TMEM150B: variants seen among roughly 807,000 people sequenced by gnomAD.
The protein encoded by TMEM150B is transmembrane protein 150B.
Under a neutral mutation model 25.2 loss-of-function variants are expected in TMEM150B, and 33 were observed. The ratio of observed to expected loss-of-function variants is 1.31; its 90% confidence interval spans 0.99 to 1.75. The LOEUF is 1.75. Ranked by LOEUF, TMEM150B falls within the 40% of genes most tolerant of loss-of-function variation. TMEM150B has a pLI of 0.00. For synonymous variants in TMEM150B, 133 were observed against 134.8 expected (o/e 0.99, Z 0.09); for missense variants, 322 against 306.1 (o/e 1.05, Z -0.39).
At position 55,320,991 on chromosome 19, in the gene TMEM150B, C is replaced by A; in HGVS notation, c.46G>T (p.Ala16Ser). 1 of 1,613,872 alleles carries A rather than the reference C, an allele frequency of 6.2e-7. No homozygotes were observed. ...CACACGATCCAGACGCCAGAGATAG[C>A]CCAGACAGCTAGGAAGACAGGCATC... ...SLMPVFLAVW[A>S]ISGVWIVFAI... Residue 16 changes from alanine (A) to serine (S), a missense_variant, in exon 3 of 8, where the codon GCT becomes TCT. Coordinates refer to ENST00000326652, the MANE Select transcript of TMEM150B (RefSeq NM_001282011.2).
chr19:55,312,700 C>A, downstream of TMEM150B: 5 of 826,000 alleles, frequency 6.1e-6, no homozygotes, highest in East Asian at 1.4e-4. Context: ...AGAGGCCCTC[C>A]GCGCCGGCAC....
At chr19:55,323,614 T>C (rs1747943776) in intron 1 of TMEM150B, among the ~76,000 whole-genome samples, 1 of 149,732 alleles carries the variant, frequency 6.7e-6, no homozygotes, top group African/African-American at 2.5e-5. Context: ...GTGATTCTCC[T>C]GCCTCAGCCT....
At position 55,321,033 on chromosome 19, in the gene TMEM150B, A is replaced by C. The variant is rs754472350; in HGVS notation, c.4T>G (p.Trp2Gly). The change falls in exon 3 of 8, where the codon TGG (tryptophan) becomes GGG (glycine). Residue 2 changes from tryptophan to glycine, a missense_variant. Trp to Gly is a radical substitution (Grantham distance 184). Coordinates refer to ENST00000326652, the MANE Select transcript of TMEM150B (RefSeq NM_001282011.2). M[W>G]GYLSLMPVFL... ...ACAGGCATCAGCGACAGGTAGCCCC[A>C]CATGCCGGGCTCTGCAGGTGAAGGA... 9 of 1,613,476 alleles carry C rather than the reference A, an allele frequency of 5.6e-6. No individual in the cohort carries two copies. Among genetic ancestry groups the C allele is most frequent in the Non-Finnish European group, 7.6e-6 (9 of 1,179,664 alleles).
chr19:55,310,938 G>T (rs1293313941), downstream of TMEM150B, among the ~76,000 whole-genome samples: 1 of 152,070 alleles, frequency 6.6e-6, no homozygotes, highest in Non-Finnish European at 1.5e-5. The surrounding 1 kb of genome is among the most constrained non-coding windows in gnomAD (Gnocchi z 5.0). Context: ...AGTCACCGTG[G>T]TTGCTATGAC....
downstream of TMEM150B, chr19:55,312,673 GCT>G: frequency 1.6e-6 from 1 of 630,220 alleles, no homozygotes; most frequent in Non-Finnish European, 2.6e-6. Context: ...GGGGATGCTG[GCT>G]GCCACCAGCT....
intron 7 of TMEM150B, among the ~76,000 whole-genome samples, chr19:55,314,425 T>G (rs1001573376): frequency 6.6e-6 from 1 of 152,086 alleles, no homozygotes; most frequent in African/African-American, 2.4e-5. Flanking sequence ...GCCTCACTCC[T>G]CCCTGGGCTG....
At chr19:55,317,613 C>G (rs2089048437) in intron 6 of TMEM150B, among the ~76,000 whole-genome samples, 2 of 151,992 alleles carry the variant, frequency 1.3e-5, no homozygotes, top group South Asian at 4.1e-4. Context: ...AACCCTGTCT[C>G]TACTAAAAAT....
intron 3 of TMEM150B, 53 bp downstream of exon 3, chr19:55,320,916 C>T: frequency 6.3e-7 from 1 of 1,593,636 alleles, no homozygotes; most frequent in African/African-American, 1.4e-5. Flanking sequence ...AAATCCAGGC[C>T]CCAGCCCCCT....
At chr19:55,321,672 C>T (rs925835992) in intron 2 of TMEM150B, among the ~76,000 whole-genome samples, 9 of 152,252 alleles carry the variant, frequency 5.9e-5, no homozygotes, top group African/African-American at 1.7e-4. Flanking sequence ...CTTCCCTCCC[C>T]AGGAACCAGG....
At chr19:55,320,253 G>A in intron 5 of TMEM150B, 87 bp from the exon 6 acceptor site, 6 of 1,534,648 alleles carry the variant, frequency 3.9e-6, no homozygotes, top group Non-Finnish European at 5.3e-6. Context: ...AGCAAGGTGA[G>A]GGAGAAAGTG....
At chr19:55,324,795 T>G in intron 1 of TMEM150B, 1 of 985,458 alleles carries the variant, frequency 1.0e-6, no homozygotes, top group Non-Finnish European at 1.2e-6. Flanking sequence ...TCCTTTCGCT[T>G]CTTTTTCCGG....
In TMEM150B at chr19:55,321,110, C is replaced by G. The variant is rs541168544; in HGVS notation, c.-57-17G>C. 44 of 1,541,962 alleles carry G rather than the reference C, an allele frequency of 2.9e-5. 1 individual carries two copies. In the East Asian group the frequency reaches 5.0e-4, roughly 18 times the overall value. On this transcript the variant is annotated splice_polypyrimidine_tract_variant and intron_variant, in intron 2 of 7. Coordinates refer to ENST00000326652, the MANE Select transcript of TMEM150B (RefSeq NM_001282011.2). ...CTCTCACACCTGAAGAACCAGCCCT[C>G]AAGGAGGGCCCAGGTGCATGAGATT...
At chr19:55,316,247 CCT>C (rs756945075) in intron 7 of TMEM150B, among the ~76,000 whole-genome samples, 2 of 152,108 alleles carry the variant, frequency 1.3e-5, no homozygotes, top group East Asian at 3.9e-4. Context: ...TCACAGAATG[CCT>C]CTCAGAGCCT....
At chr19:55,319,167 AAT>A (rs1301324343) in intron 6 of TMEM150B, among the ~76,000 whole-genome samples, 1 of 152,036 alleles carries the variant, frequency 6.6e-6, no homozygotes, top group Non-Finnish European at 1.5e-5. Flanking sequence ...GCTGGAGTGC[AAT>A]GGCATGGTCT....
At chr19:55,312,730 G>C (rs992516616), downstream of TMEM150B, 1 of 1,080,784 alleles carries the variant, frequency 9.3e-7, no homozygotes, top group Non-Finnish European at 1.3e-6. Context: ...CCGGCTCCAG[G>C]TCAGTCAGCG....
At chr19:55,310,375 G>A (rs1194846883), downstream of TMEM150B, among the ~76,000 whole-genome samples, 1 of 152,100 alleles carries the variant, frequency 6.6e-6, no homozygotes, top group East Asian at 1.9e-4. This position sits in a 1 kb window ranked among gnomAD's most constrained non-coding sequence, Gnocchi z 5.0. Context: ...CCTTAGCTGG[G>A]AAAAGGTGAC....
chr19:55,312,070 C>T (rs753802413), downstream of TMEM150B: 31 of 1,419,730 alleles, frequency 2.2e-5, 1 homozygote, highest in South Asian at 3.9e-4. Context: ...CTGCCCTGAC[C>T]CCACGGGGCC....
chr19:55,324,240 C>T (rs372568582), intron 1 of TMEM150B, among the ~76,000 whole-genome samples: 21 of 151,858 alleles, frequency 1.4e-4, no homozygotes, highest in East Asian at 5.8e-4. Context: ...AGGTGGCTGA[C>T]GCCTGTAGTC....
intron 6 of TMEM150B, chr19:55,319,661 G>T: frequency 1.2e-6 from 1 of 815,128 alleles, no homozygotes; most frequent in Non-Finnish European, 1.5e-6. Flanking sequence ...GGTTGGCCAG[G>T]CTGGTCTCAA....
Sources: gnomAD v4.1 joint callset for allele counts (sites outside exome capture counted in the v4.1 genomes callset) on GRCh38, gnomAD v4.1.1 for gene constraint, Gnocchi (gnomAD v3.1) non-coding constraint, MANE v1.5 for transcripts, NCBI Gene and HGNC (gene_info 2026-07-23, HGNC 2026-07-21) for gene names.